The following R3HDM2 variants were observed in gnomAD, a reference collection of about 807,000 sequenced individuals.
R3HDM2 encodes the protein R3H domain containing 2.
Under a neutral mutation model 124.5 loss-of-function variants are expected in R3HDM2, and 38 were observed. That is an observed-to-expected ratio of 0.31 (90% CI 0.24 to 0.40). R3HDM2 has a LOEUF of 0.40. Among genes scored for constraint, R3HDM2 ranks in the 10% least tolerant of loss-of-function variants. The pLI, the probability that R3HDM2 is intolerant of heterozygous loss-of-function variation, is 1.00. For synonymous variants in R3HDM2, 391 were observed against 448.0 expected (o/e 0.87, Z 1.61); for missense variants, 869 against 1,236.9 (o/e 0.70, Z 4.46).
At chr12:57,322,053 C>T (rs750211662) in intron 2 of R3HDM2, among the ~76,000 whole-genome samples, 3 of 152,272 alleles carry the variant, frequency 2.0e-5, no homozygotes, top group Admixed American at 6.5e-5. Context: ...TATGGTGAAC[C>T]CCATATCTAC....
intron 2 of R3HDM2, among the ~76,000 whole-genome samples, chr12:57,361,048 C>CAAAAAAAAAAAAAAAA (rs35437591): frequency 3.3e-5 from 2 of 60,054 alleles, no homozygotes; most frequent in Admixed American, 2.6e-4. Flanking sequence ...AGACACGTCT[C>CAAAAAAAAAAAAAAAA]AAAAAAAAAA....
In R3HDM2 at chr12:57,274,944, C is replaced by T. The variant is rs548068689; in HGVS notation, c.1345-4950G>A. On this transcript the variant is annotated intron_variant, in intron 14 of 23. Coordinates refer to ENST00000402412, the MANE Select transcript of R3HDM2 (RefSeq NM_001394031.1). ...TCCCCATCAAAATACCACCATCATT[C>T]TTCGCAGAATTACAAAAAAAAAATT... 1.1e-4 allele frequency among the ~76,000 whole-genome samples: 16 copies of T among 152,154 alleles called. No individual in the cohort carries two copies. The South Asian group carries it at 2.5e-3, about 24-fold the overall frequency.
intron 2 of R3HDM2, among the ~76,000 whole-genome samples, chr12:57,359,051 G>A (rs1385258508): frequency 3.3e-5 from 5 of 151,856 alleles, no homozygotes; most frequent in East Asian, 3.9e-4. Context: ...CCGAGTAGCT[G>A]GGACTACAGG....
intron 2 of R3HDM2, among the ~76,000 whole-genome samples, chr12:57,347,901 C>T (rs2060230426): frequency 6.6e-6 from 1 of 151,880 alleles, no homozygotes; most frequent in African/African-American, 2.4e-5. Flanking sequence ...CTAGTTCCTT[C>T]AAAGGATAAA....
intron 18 of R3HDM2, among the ~76,000 whole-genome samples, chr12:57,267,212 G>A (rs1310776316): frequency 6.6e-6 from 1 of 151,586 alleles, no homozygotes; most frequent in Non-Finnish European, 1.5e-5. Context: ...AGAAAGAGAT[G>A]GGTAAAAAAA....
chr12:57,380,564 A>C (rs1336980124), intron 2 of R3HDM2, among the ~76,000 whole-genome samples: 2 of 152,196 alleles, frequency 1.3e-5, no homozygotes, highest in African/African-American at 4.8e-5. Flanking sequence ...AGACACAATA[A>C]GATTGCATCC....
intron 1 of R3HDM2, among the ~76,000 whole-genome samples, chr12:57,410,318 TAAAAAAAA>T (rs56412130): frequency 4.0e-5 from 4 of 100,142 alleles, no homozygotes; most frequent in Admixed American, 1.1e-4. Flanking sequence ...AGTATAACCT[TAAAAAAAA>T]AAAAAAAAAA....
At chr12:57,403,492 CA>C (rs1185599035) in intron 1 of R3HDM2, among the ~76,000 whole-genome samples, 1 of 142,088 alleles carries the variant, frequency 7.0e-6, no homozygotes, top group Non-Finnish European at 1.5e-5. Flanking sequence ...AACTCAGTCT[CA>C]AAAAAAAATA....
intron 2 of R3HDM2, among the ~76,000 whole-genome samples, chr12:57,333,540 A>C (rs2058467464): frequency 6.6e-6 from 1 of 151,770 alleles, no homozygotes; most frequent in South Asian, 2.1e-4. Context: ...AAATACAAAA[A>C]AATTAGCCAG....
intron 3 of R3HDM2, chr12:57,304,495 G>C (rs2052107957): frequency 1.3e-5 from 13 of 983,330 alleles, no homozygotes; most frequent in Non-Finnish European, 1.6e-5. Flanking sequence ...GGGTAGGTGA[G>C]GATTTCTCTT....
At chr12:57,382,541 C>CAAAA (rs1222419669) in intron 2 of R3HDM2, among the ~76,000 whole-genome samples, 9 of 40,100 alleles carry the variant, frequency 2.2e-4, no homozygotes, top group Admixed American at 5.2e-4. Context: ...GCCCAGCCTA[C>CAAAA]AAAAAAAAAA....
chr12:57,307,446 G>T (rs192657036), intron 3 of R3HDM2, among the ~76,000 whole-genome samples: 3 of 147,996 alleles, frequency 2.0e-5, no homozygotes, highest in Non-Finnish European at 3.0e-5. Context: ...TCAGCTTCCC[G>T]AGTAGCTGGG....
At chr12:57,302,158 G>A (rs1416739436) in intron 4 of R3HDM2, among the ~76,000 whole-genome samples, 2 of 152,080 alleles carry the variant, frequency 1.3e-5, no homozygotes, top group Non-Finnish European at 2.9e-5. Flanking sequence ...GTGTGTGCCT[G>A]TAAGCCCAGC....
At chr12:57,288,491 A>G (rs933949675) in intron 12 of R3HDM2, among the ~76,000 whole-genome samples, 2 of 152,048 alleles carry the variant, frequency 1.3e-5, no homozygotes, top group African/African-American at 4.8e-5. Context: ...TCTTTTCCAT[A>G]GATTCAGAAA....
At chr12:57,356,540 C>A (rs985155963) in intron 2 of R3HDM2, among the ~76,000 whole-genome samples, 2 of 152,074 alleles carry the variant, frequency 1.3e-5, no homozygotes, top group Non-Finnish European at 2.9e-5. Context: ...AAAATTTGGT[C>A]TGTAGTTTTC....
chr12:57,345,547 A>G (rs2060006588), intron 2 of R3HDM2, among the ~76,000 whole-genome samples: 1 of 149,746 alleles, frequency 6.7e-6, no homozygotes, highest in South Asian at 2.1e-4. Flanking sequence ...ACACACACAT[A>G]TATTAAGAGA....
At chr12:57,342,130 G>A (rs887662661) in intron 2 of R3HDM2, among the ~76,000 whole-genome samples, 3 of 151,962 alleles carry the variant, frequency 2.0e-5, no homozygotes, top group Non-Finnish European at 2.9e-5. Context: ...TGGAGTTCAA[G>A]GACTTTTATA....
intron 1 of R3HDM2, among the ~76,000 whole-genome samples, chr12:57,429,333 G>C (rs2139764789): frequency 6.6e-6 from 1 of 152,332 alleles, no homozygotes; most frequent in South Asian, 2.1e-4. Context: ...CAAGAAAAAA[G>C]TTATCTTTTC....
rs910681607 is a variant in R3HDM2 at position 57,420,441 on chromosome 12, T to C, written c.-106+10279A>G. 7.9e-5 allele frequency among the ~76,000 whole-genome samples: 12 copies of C among 152,082 alleles called. No individual in the cohort carries two copies. In the East Asian group the frequency reaches 2.3e-3, roughly 29 times the overall value. ...TTCTGTCCTTATCCTACTTGGTCTT[T>C]CTACCACCTGTGATACTACTGCCTT... On this transcript the variant is annotated intron_variant, in intron 1 of 23. Transcript: ENST00000402412.
Sources: gnomAD v4.1 joint callset for allele counts (sites outside exome capture counted in the v4.1 genomes callset) on GRCh38, gnomAD v4.1.1 for gene constraint, MANE v1.5 for transcripts, NCBI Gene and HGNC (gene_info 2026-07-23, HGNC 2026-07-21) for gene names.